DEPDC1B: variants seen among roughly 807,000 people sequenced by gnomAD.
DEPDC1B encodes DEP domain containing 1B.
In DEPDC1B, 51 loss-of-function variants were observed where a neutral mutation model predicts 66.5. The ratio of observed to expected loss-of-function variants is 0.77; its 90% CI spans 0.61 to 0.97. DEPDC1B has a LOEUF of 0.97. Among genes scored for constraint, DEPDC1B ranks in the 50% least tolerant of loss-of-function variants. The probability of loss-of-function intolerance (pLI) is 0.00; values close to 1 mark genes in which losing one functional copy is unlikely to be tolerated. For missense variants in DEPDC1B, 552 were observed against 637.1 expected (o/e 0.87, Z 1.44); for synonymous variants, 226 against 223.6 (o/e 1.01, Z -0.10).
At chr5:60,689,740 C>T (rs1412352367) in intron 1 of DEPDC1B, among the ~76,000 whole-genome samples, 6 of 151,232 alleles carry the variant, frequency 4.0e-5, no homozygotes, top group East Asian at 1.9e-4. Flanking sequence ...AGAAATATAA[C>T]GGATTAAAAA....
At chr5:60,660,824 T>C (rs1372930932) in intron 2 of DEPDC1B, among the ~76,000 whole-genome samples, 4 of 152,156 alleles carry the variant, frequency 2.6e-5, no homozygotes, top group Admixed American at 2.0e-4. Context: ...TTAATTACCA[T>C]ACAAAGGTCC....
Position 60,601,531 on chromosome 5 carries a change from C to T in DEPDC1B, c.1242+1860G>A, listed in dbSNP as rs372255114. Reference sequence around the variant, plus strand: ...GGCCTTTGGCCAAGCAATGCTGCCCCTAGGAGTTTATTCTTAAAAAATAAT... The same window carrying T: ...GGCCTTTGGCCAAGCAATGCTGCCCTTAGGAGTTTATTCTTAAAAAATAAT... On this transcript the variant is annotated intron_variant, in intron 9 of 10. Transcript: ENST00000265036. Among the ~76,000 whole-genome samples the T allele has an allele frequency of 2.0e-5, 3 of 152,232 alleles. No individual in the cohort carries two copies. The South Asian group carries it at 6.2e-4, about 32-fold the overall frequency.
chr5:60,648,833 T>C (rs1179700406), intron 2 of DEPDC1B, among the ~76,000 whole-genome samples: 3 of 152,212 alleles, frequency 2.0e-5, no homozygotes, highest in African/African-American at 4.8e-5. Flanking sequence ...TGAATCTCTA[T>C]AGCCAAAGCA....
At chr5:60,670,816 T>A (rs1388620602) in intron 2 of DEPDC1B, among the ~76,000 whole-genome samples, 1 of 152,188 alleles carries the variant, frequency 6.6e-6, no homozygotes, top group African/African-American at 2.4e-5. Context: ...AAGGGACATA[T>A]TCTTGACAGG....
intron 7 of DEPDC1B, among the ~76,000 whole-genome samples, chr5:60,609,792 G>A (rs1452996121): frequency 2.0e-5 from 3 of 152,108 alleles, no homozygotes; most frequent in Non-Finnish European, 4.4e-5. Flanking sequence ...CTTGTTCCAG[G>A]CTACCTGCTT....
At chr5:60,644,544 G>T (rs995854843) in intron 5 of DEPDC1B, among the ~76,000 whole-genome samples, 10 of 152,120 alleles carry the variant, frequency 6.6e-5, no homozygotes, top group Admixed American at 5.2e-4. Flanking sequence ...GATGGATTTT[G>T]CTGAGGCTCT....
intron 2 of DEPDC1B, among the ~76,000 whole-genome samples, chr5:60,657,055 C>CT (rs1278215633): frequency 6.6e-6 from 1 of 152,074 alleles, no homozygotes; most frequent in Non-Finnish European, 1.5e-5. Flanking sequence ...TCCTCTTTGT[C>CT]TTTTTTAACT....
intron 7 of DEPDC1B, among the ~76,000 whole-genome samples, chr5:60,626,688 CT>C (rs2111806067): frequency 6.6e-6 from 1 of 152,178 alleles, no homozygotes; most frequent in South Asian, 2.1e-4. Context: ...ACAATGCACT[CT>C]GATATTTTGC....
chr5:60,688,650 G>A (rs539111545), intron 1 of DEPDC1B, among the ~76,000 whole-genome samples: 25 of 152,276 alleles, frequency 1.6e-4, no homozygotes, highest in African/African-American at 4.6e-4. Flanking sequence ...GAGTGAGTAC[G>A]TTGGAAAGAC....
At chr5:60,687,493 A>G (rs997588288) in intron 1 of DEPDC1B, among the ~76,000 whole-genome samples, 27 of 151,970 alleles carry the variant, frequency 1.8e-4, no homozygotes, top group African/African-American at 6.0e-4. Flanking sequence ...ATAGTTTTAT[A>G]TTATATATAT....
chr5:60,638,986 G>C (rs1753125571), intron 6 of DEPDC1B, 96 bp from the exon 7 acceptor site: 1 of 1,403,280 alleles, frequency 7.1e-7, no homozygotes, highest in Non-Finnish European at 9.6e-7. Context: ...CAGATATTCA[G>C]ATATTTGACA....
chr5:60,689,217 T>C (rs907926470), intron 1 of DEPDC1B, among the ~76,000 whole-genome samples: 3 of 152,232 alleles, frequency 2.0e-5, no homozygotes, highest in African/African-American at 4.8e-5. Flanking sequence ...CCATGTCTCA[T>C]AGCATCCTTG....
intron 7 of DEPDC1B, among the ~76,000 whole-genome samples, chr5:60,622,535 T>C (rs1443575858): frequency 6.6e-6 from 1 of 152,210 alleles, no homozygotes; most frequent in Non-Finnish European, 1.5e-5. Context: ...TGTGAACACA[T>C]GTGTTCTTAT....
At chr5:60,623,176 CAGTATAA>C (rs1448070669) in intron 7 of DEPDC1B, among the ~76,000 whole-genome samples, 15 of 152,258 alleles carry the variant, frequency 9.9e-5, no homozygotes, top group African/African-American at 3.6e-4. Flanking sequence ...ATACAGTATA[CAGTATAA>C]AGGTTCACTT....
intron 7 of DEPDC1B, among the ~76,000 whole-genome samples, chr5:60,633,552 G>A (rs1383163888): frequency 1.3e-5 from 2 of 152,222 alleles, no homozygotes; most frequent in Non-Finnish European, 2.9e-5. Flanking sequence ...AGGGAGACAT[G>A]TGGAGCAGAA....
chr5:60,603,492 A>G lies in DEPDC1B; in HGVS notation c.1141T>C (p.Leu381=), dbSNP rs770062403. 1 of 1,613,054 alleles carries G rather than the reference A, an allele frequency of 6.2e-7. No homozygotes were observed. The highest frequency in any genetic ancestry group is 8.5e-7 in the Non-Finnish European group (1 of 1,179,664). ...TAATTGTCCATCAGAAACGTTACCA[A>G]TCTAGCAGCTAATAACTCATCCAAG... ...VDLDELLAAR[L]VTFLMDNYQE... Residue 381 remains leucine, a synonymous_variant, in exon 9 of 11, where the codon TTG becomes CTG. Coordinates refer to ENST00000265036, the MANE Select transcript of DEPDC1B (RefSeq NM_018369.3).
intron 2 of DEPDC1B, among the ~76,000 whole-genome samples, chr5:60,660,386 G>A (rs1169666430): frequency 1.3e-5 from 2 of 152,022 alleles, no homozygotes; most frequent in Non-Finnish European, 2.9e-5. Context: ...TCCTTTAAAA[G>A]CCAGGGTAAA....
chr5:60,604,218 C>CTTTTTTTTTTTTTTTTGTTTTTTTTTTTT (rs1752264983), intron 8 of DEPDC1B, among the ~76,000 whole-genome samples: 1 of 68,970 alleles, frequency 1.4e-5, no homozygotes, highest in Non-Finnish European at 2.8e-5. Context: ...ATTAACTATT[C>CTTTTTTTTTTTTTTTTGTTTTTTTTTTTT]TTTTTTTTTT....
intron 2 of DEPDC1B, among the ~76,000 whole-genome samples, chr5:60,666,135 A>T (rs1364459690): frequency 6.6e-6 from 1 of 152,096 alleles, no homozygotes; most frequent in Non-Finnish European, 1.5e-5. Flanking sequence ...ACCCCTCCAG[A>T]TCCGGGAGGG....
Sources: allele counts gnomAD v4.1 joint callset (sites outside exome capture counted in the v4.1 genomes callset), GRCh38; gene constraint gnomAD v4.1.1; transcripts MANE v1.5; gene names NCBI Gene and HGNC (gene_info 2026-07-23, HGNC 2026-07-21).